Variants in SCLT1 observed in about 807,000 individuals in gnomAD.
The protein encoded by SCLT1 is sodium channel and clathrin linker 1, also known as sodium channel-associated protein 1.
In SCLT1, 78 loss-of-function variants were observed where a neutral mutation model predicts 112.8. The observed-to-expected ratio is 0.69, with a 90% CI of 0.58 to 0.83. The LOEUF (loss-of-function observed/expected upper bound fraction) is 0.83, where lower values mean the gene tolerates loss of function less well. Ranked by LOEUF, SCLT1 falls within the 40% of genes least tolerant of loss-of-function variation. The pLI is 0.00. For missense variants in SCLT1, 747 were observed against 770.4 expected (o/e 0.97, Z 0.36); for synonymous variants, 257 against 254.7 (o/e 1.01, Z -0.09).
intron 5 of SCLT1, among the ~76,000 whole-genome samples, chr4:129,026,102 G>A (rs936318288): frequency 2.2e-4 from 34 of 152,202 alleles, no homozygotes; most frequent in Middle Eastern, 3.4e-3. Context: ...ATAATAATGG[G>A]AGACTTTAAC....
At chr4:129,025,352 T>C (rs1440174061) in intron 5 of SCLT1, among the ~76,000 whole-genome samples, 16 of 152,274 alleles carry the variant, frequency 1.1e-4, no homozygotes, top group East Asian at 1.9e-4. Flanking sequence ...GCGGATCTCT[T>C]GGCAGAAACG....
chr4:129,033,502 T>TAAAAAAAAAA (rs56325033), intron 5 of SCLT1, among the ~76,000 whole-genome samples: 27 of 44,308 alleles, frequency 6.1e-4, no homozygotes, highest in Non-Finnish European at 8.3e-4. Context: ...GAACTTAAAG[T>TAAAAAAAAAA]AAAAAAAAAA....
intron 18 of SCLT1, among the ~76,000 whole-genome samples, chr4:128,896,305 G>A (rs966216574): frequency 6.6e-6 from 1 of 152,012 alleles, no homozygotes; most frequent in African/African-American, 2.4e-5. Context: ...GGTACTGGCT[G>A]GGTGCTCCTC....
At chr4:129,020,441 C>T (rs901304301) in intron 5 of SCLT1, among the ~76,000 whole-genome samples, 6 of 152,178 alleles carry the variant, frequency 3.9e-5, no homozygotes, top group African/African-American at 1.2e-4. Context: ...TTTCTGAGGG[C>T]AGTCCTATCA....
chr4:129,043,901 G>A (rs1747937560), intron 3 of SCLT1, 92 bp downstream of exon 3: 2 of 696,036 alleles, frequency 2.9e-6, no homozygotes. Context: ...TTTAATAACA[G>A]CAGACCATAA....
At chr4:128,900,634 A>G (rs531448397) in intron 18 of SCLT1, among the ~76,000 whole-genome samples, 1 of 152,354 alleles carries the variant, frequency 6.6e-6, no homozygotes, top group Non-Finnish European at 1.5e-5. Context: ...CTTCATGTCT[A>G]AAACACCAAA....
At chr4:128,886,113 T>C (rs572869211) in intron 20 of SCLT1, among the ~76,000 whole-genome samples, 2 of 152,370 alleles carry the variant, frequency 1.3e-5, no homozygotes, top group East Asian at 1.9e-4. Context: ...ATTTTTTTCT[T>C]AGCTTCTAGG....
chr4:128,875,741 A>G (rs1023413510), intron 4 of SCLT1, among the ~76,000 whole-genome samples: 3 of 152,208 alleles, frequency 2.0e-5, no homozygotes, highest in African/African-American at 7.2e-5. Flanking sequence ...TAGGAACAAG[A>G]CACTGATGTT....
intron 2 of SCLT1, among the ~76,000 whole-genome samples, chr4:129,053,254 C>T (rs1748995316): frequency 6.6e-6 from 1 of 152,026 alleles, no homozygotes; most frequent in South Asian, 2.1e-4. Flanking sequence ...CTCCATGGTC[C>T]AGAGCTGAGT....
intron 2 of SCLT1, among the ~76,000 whole-genome samples, chr4:129,081,865 C>G (rs1421234806): frequency 6.6e-6 from 1 of 152,098 alleles, no homozygotes; most frequent in Non-Finnish European, 1.5e-5. Context: ...GCAAGGTCCA[C>G]CAATAATTAT....
In SCLT1 at chr4:128,992,131, TA is replaced by T. The variant is rs776420242; in HGVS notation, c.686+35del. ...ATCAGCTCCCCTGAAGAAAAATAAT[TA>T]ACAATGAAATAATGAAACTCATTTT... On this transcript the variant is annotated intron_variant, in intron 9 of 20. Transcript: ENST00000281142. The T allele has an allele frequency of 1.7e-5, 23 of 1,372,952 alleles. No individual in the cohort carries two copies. In the East Asian group the frequency reaches 4.1e-4, roughly 25 times the overall value. 85.0% of individuals were successfully genotyped at this position (1,372,952 alleles called of 1,614,324 possible).
downstream of SCLT1, among the ~76,000 whole-genome samples, chr4:128,879,389 A>G (rs1016374680): frequency 5.9e-5 from 9 of 152,306 alleles, no homozygotes; most frequent in South Asian, 4.1e-4. Flanking sequence ...TGACACTTGG[A>G]GAACCTATAA....
chr4:128,900,232 C>T (rs955739402), intron 18 of SCLT1, among the ~76,000 whole-genome samples: 13 of 152,128 alleles, frequency 8.5e-5, no homozygotes, highest in Admixed American at 5.2e-4. Context: ...AATCCTAAGC[C>T]AAAAGAACAA....
intron 8 of SCLT1, among the ~76,000 whole-genome samples, chr4:128,993,683 C>T (rs1209241473): frequency 6.6e-6 from 1 of 151,928 alleles, no homozygotes; most frequent in African/African-American, 2.4e-5. Flanking sequence ...TCCTTTTCAA[C>T]CATCATCTAT....
At chr4:128,941,236 T>C (rs2125987291) in intron 17 of SCLT1, among the ~76,000 whole-genome samples, 1 of 152,236 alleles carries the variant, frequency 6.6e-6, no homozygotes, top group East Asian at 1.9e-4. Context: ...TCAGGATGTA[T>C]GTATGTCTGG....
chr4:128,949,201 G>C (rs1220938893), intron 14 of SCLT1, among the ~76,000 whole-genome samples: 1 of 148,814 alleles, frequency 6.7e-6, no homozygotes, highest in Non-Finnish European at 1.5e-5. Context: ...TGGAGAATGG[G>C]TAATGTGTAT....
At chr4:128,913,827 A>G (rs1446390697) in intron 18 of SCLT1, among the ~76,000 whole-genome samples, 1 of 152,168 alleles carries the variant, frequency 6.6e-6, no homozygotes, top group Admixed American at 6.5e-5. Flanking sequence ...ATTTGAGACC[A>G]ATTAATGTTT....
intron 14 of SCLT1, 60 bp from the exon 15 acceptor site, chr4:128,948,630 GA>G: frequency 8.2e-7 from 1 of 1,219,528 alleles, no homozygotes; most frequent in South Asian, 1.3e-5. Context: ...GAAAAGTGGG[GA>G]AAAATTATAA....
At chr4:129,035,529 A>C (rs1209262964) in intron 5 of SCLT1, among the ~76,000 whole-genome samples, 4 of 151,934 alleles carry the variant, frequency 2.6e-5, no homozygotes, top group Non-Finnish European at 5.9e-5. Context: ...GGGTTATGTG[A>C]CTATGTATGA....
Sources: allele counts gnomAD v4.1 joint callset (sites outside exome capture counted in the v4.1 genomes callset), GRCh38; gene constraint gnomAD v4.1.1; transcripts MANE v1.5; gene names NCBI Gene and HGNC (gene_info 2026-07-23, HGNC 2026-07-21).